The following DEPTOR variants were observed in gnomAD, a reference collection of about 807,000 sequenced individuals.
The protein encoded by DEPTOR is DEP domain-containing mTOR-interacting protein.
A neutral mutation model predicts 41.6 loss-of-function variants in DEPTOR; 41 were observed. The ratio of observed to expected loss-of-function variants is 0.98; its 90% CI spans 0.77 to 1.28. DEPTOR has a LOEUF of 1.28. Among genes scored for constraint, DEPTOR ranks in the 50% most tolerant of loss-of-function variants. DEPTOR has a pLI of 0.00. For missense variants in DEPTOR, 514 were observed against 527.9 expected (o/e 0.97, Z 0.26); for synonymous variants, 195 against 192.3 (o/e 1.01, Z -0.12).
At chr8:120,024,458 C>T (rs1488628992) in intron 8 of DEPTOR, among the ~76,000 whole-genome samples, 1 of 152,124 alleles carries the variant, frequency 6.6e-6, no homozygotes, top group Non-Finnish European at 1.5e-5. Context: ...ATCTGACTCT[C>T]TTTGGAAATA....
chr8:120,044,171 TA>T (rs1234108751), intron 8 of DEPTOR, among the ~76,000 whole-genome samples: 107 of 151,334 alleles, frequency 7.1e-4, no homozygotes, highest in African/African-American at 2.0e-3. Context: ...TTTATTTATT[TA>T]TTTTTTTGAG....
At chr8:119,886,400 C>A (rs1827364003) in intron 1 of DEPTOR, among the ~76,000 whole-genome samples, 1 of 152,004 alleles carries the variant, frequency 6.6e-6, no homozygotes, top group South Asian at 2.1e-4. Context: ...GGGATTGTAG[C>A]CAGGGGAGGG....
intron 4 of DEPTOR, among the ~76,000 whole-genome samples, chr8:119,987,572 C>T (rs1828845983): frequency 1.3e-5 from 2 of 152,122 alleles, no homozygotes. Context: ...CTGGGAGATC[C>T]AGTGCTCTCT....
intron 1 of DEPTOR, among the ~76,000 whole-genome samples, chr8:119,910,796 A>C (rs897048135): frequency 9.5e-4 from 144 of 152,286 alleles, no homozygotes; most frequent in African/African-American, 3.3e-3. Flanking sequence ...TCACAGTACC[A>C]AGTGTATTTG....
In DEPTOR at chr8:120,001,687, G is replaced by A. The variant is rs373056042; in HGVS notation, c.767G>A (p.Arg256Gln). The change falls in exon 5 of 9, where the codon CGG becomes CAG. Residue 256 changes from arginine to glutamine, a missense_variant. By Grantham distance (43) the Arg-to-Gln change is conservative. Transcript: ENST00000286234. ...CTGAGGAAGCAGAGCCATGACAATC[G>A]GAAATCTACCAGCTTTATGTCAGGT... The part of the protein sequence containing the change: ...FCLRKQSHDN[R>Q]KSTSFMSVSP... The A allele has an allele frequency of 8.9e-5, 143 of 1,612,988 alleles. No individual in the cohort carries two copies. The highest frequency in any genetic ancestry group is 3.1e-4 in the African/African-American group (23 of 74,964).
chr8:119,992,908 C>T (rs1307313873), intron 4 of DEPTOR, among the ~76,000 whole-genome samples: 1 of 152,206 alleles, frequency 6.6e-6, no homozygotes, highest in East Asian at 1.9e-4. Flanking sequence ...CCACCTGCCT[C>T]GGCCTCCCAA....
intron 3 of DEPTOR, among the ~76,000 whole-genome samples, chr8:119,964,774 T>G (rs1828535466): frequency 6.6e-6 from 1 of 152,074 alleles, no homozygotes; most frequent in South Asian, 2.1e-4. Flanking sequence ...TCTTGTTTGC[T>G]TCTGAAGCAA....
At chr8:120,002,882 C>G in intron 5 of DEPTOR, 95 bp from the exon 6 acceptor site, 1 of 1,416,950 alleles carries the variant, frequency 7.1e-7, no homozygotes. Flanking sequence ...TGTGCTTTCT[C>G]CTGGCCCCTC....
intron 1 of DEPTOR, among the ~76,000 whole-genome samples, chr8:119,907,677 C>T (rs1827680669): frequency 6.6e-6 from 1 of 152,078 alleles, no homozygotes; most frequent in South Asian, 2.1e-4. Flanking sequence ...CCTGTAATCC[C>T]AGTTATTTAG....
At chr8:119,937,655 A>G (rs1828131418) in intron 3 of DEPTOR, among the ~76,000 whole-genome samples, 1 of 152,176 alleles carries the variant, frequency 6.6e-6, no homozygotes, top group Non-Finnish European at 1.5e-5. Flanking sequence ...CCTACTTGCA[A>G]GCTCACAAGT....
chr8:119,885,994 C>T (rs115989943), intron 1 of DEPTOR, among the ~76,000 whole-genome samples: 1 of 151,990 alleles, frequency 6.6e-6, no homozygotes, highest in Non-Finnish European at 1.5e-5. Context: ...AATTTATATA[C>T]AATAAAATAT....
chr8:119,913,926 G>T (rs1288102377), intron 1 of DEPTOR, among the ~76,000 whole-genome samples: 1 of 152,056 alleles, frequency 6.6e-6, no homozygotes, highest in African/African-American at 2.4e-5. Context: ...TGTCCCATCA[G>T]CGGGACAAGC....
chr8:119,946,588 G>T (rs1371891258), intron 3 of DEPTOR, among the ~76,000 whole-genome samples: 1 of 152,038 alleles, frequency 6.6e-6, no homozygotes, highest in Admixed American at 6.6e-5. Context: ...TACAAAGTTA[G>T]CCGGGTGTGG....
chr8:120,019,085 A>G (rs1490645038), intron 8 of DEPTOR, among the ~76,000 whole-genome samples: 2 of 152,122 alleles, frequency 1.3e-5, no homozygotes, highest in Non-Finnish European at 2.9e-5. Context: ...CGGACGGACC[A>G]CTTGAGGTCA....
chr8:119,928,730 ATTT>A, intron 2 of DEPTOR, 152 bp downstream of exon 2: 8 of 658,936 alleles, frequency 1.2e-5, no homozygotes, highest in South Asian at 4.2e-5. Context: ...TCTAAGAGGC[ATTT>A]GGGTTCTTTC....
chr8:120,045,023 A>G (rs915808374), intron 8 of DEPTOR, among the ~76,000 whole-genome samples: 1 of 152,200 alleles, frequency 6.6e-6, no homozygotes, highest in Non-Finnish European at 1.5e-5. Context: ...AGTTGGTACA[A>G]GATGTCATGG....
At chr8:119,895,579 G>A (rs1481698110) in intron 1 of DEPTOR, among the ~76,000 whole-genome samples, 1 of 152,194 alleles carries the variant, frequency 6.6e-6, no homozygotes, top group Non-Finnish European at 1.5e-5. Flanking sequence ...TGGAGGACAA[G>A]TATTTTGAAC....
intron 1 of DEPTOR, among the ~76,000 whole-genome samples, chr8:119,920,094 GT>G (rs3029098): frequency 7.3e-5 from 11 of 150,986 alleles, no homozygotes; most frequent in East Asian, 2.0e-4. Context: ...TAATAGGAAG[GT>G]TTTTTTTTTC....
chr8:119,965,697 T>C (rs60177659), intron 4 of DEPTOR, among the ~76,000 whole-genome samples: 5,968 of 152,274 alleles, frequency 0.039, 127 homozygotes, highest in African/African-American at 0.064. Flanking sequence ...CTTCCAAAAG[T>C]TGCTGCTTGG....
Sources: gnomAD v4.1 joint callset for allele counts (sites outside exome capture counted in the v4.1 genomes callset) on GRCh38, gnomAD v4.1.1 for gene constraint, MANE v1.5 for transcripts, NCBI Gene and HGNC (gene_info 2026-07-23, HGNC 2026-07-21) for gene names.